The following YEATS4 variants were observed in gnomAD, a reference collection of about 807,000 sequenced individuals.
YEATS4 encodes the protein YEATS domain-containing protein 4.
Under a neutral mutation model 30.1 loss-of-function variants are expected in YEATS4, and 17 were observed. The ratio of observed to expected loss-of-function variants is 0.56; its 90% CI spans 0.39 to 0.85. YEATS4 has a LOEUF of 0.85. YEATS4 is among the 40% of genes least tolerant of loss of function. The probability of loss-of-function intolerance (pLI) is 0.00; values close to 1 mark genes in which losing one functional copy is unlikely to be tolerated. For synonymous variants in YEATS4, 85 were observed against 87.5 expected, an observed-to-expected ratio of 0.97 and a Z score of 0.16; for missense variants, 142 against 268.3, an observed-to-expected ratio of 0.53 and a Z score of 3.29.
chr12:69,366,042 C>T (rs373838250), intron 4 of YEATS4, among the ~76,000 whole-genome samples, 158 bp downstream of exon 4: 13 of 150,660 alleles, frequency 8.6e-5, no homozygotes, highest in African/African-American at 2.9e-4. Flanking sequence ...TTAAATGTAG[C>T]GCCTTTCAAA....
chr12:69,402,850 G>C, the YEATS4 span, among the ~76,000 whole-genome samples: 1 of 150,770 alleles, frequency 6.6e-6, no homozygotes, highest in Non-Finnish European at 1.5e-5. Flanking sequence ...AGCCTCCTGA[G>C]TAGCTGGGAT....
downstream of YEATS4, among the ~76,000 whole-genome samples, chr12:69,395,801 T>G (rs1319370003): frequency 6.6e-6 from 1 of 152,208 alleles, no homozygotes; most frequent in Non-Finnish European, 1.5e-5. Context: ...GGAACTTTAC[T>G]GAAGGGACTT....
chr12:69,414,670 A>G, the YEATS4 span, among the ~76,000 whole-genome samples: 9 of 152,214 alleles, frequency 5.9e-5, no homozygotes, highest in Admixed American at 5.9e-4. Context: ...AATAAGATGA[A>G]CTTTCTTGGC....
chr12:69,381,868 A>G (rs1261982414), intron 6 of YEATS4, among the ~76,000 whole-genome samples: 1 of 152,174 alleles, frequency 6.6e-6, no homozygotes, highest in Middle Eastern at 3.2e-3. Context: ...GGTCCGGCAC[A>G]CTAAAAACAA....
chr12:69,364,285 C>A, intron 2 of YEATS4: 2 of 329,462 alleles, frequency 6.1e-6, no homozygotes, highest in Admixed American at 4.0e-5. Context: ...GACTCCATCT[C>A]TACAGAAAAA....
chr12:69,374,582 G>C (rs1266416140), intron 6 of YEATS4, among the ~76,000 whole-genome samples: 3 of 151,884 alleles, frequency 2.0e-5, no homozygotes, highest in Non-Finnish European at 4.4e-5. Flanking sequence ...TGTGTCCCTG[G>C]GTACTTGAGA....
At chr12:69,419,216 T>G in the YEATS4 span, among the ~76,000 whole-genome samples, 312 of 122,776 alleles carry the variant, frequency 2.5e-3, 5 homozygotes, top group African/African-American at 9.6e-3. Context: ...CCTATTTTAC[T>G]TTTTTTTTTT....
chr12:69,409,913 C>T, the YEATS4 span, among the ~76,000 whole-genome samples: 1 of 152,128 alleles, frequency 6.6e-6, no homozygotes, highest in Non-Finnish European at 1.5e-5. Context: ...GATGTGAAGA[C>T]AAAGGGAGAA....
intron 6 of YEATS4, among the ~76,000 whole-genome samples, chr12:69,379,357 C>G (rs1367801384): frequency 6.6e-6 from 1 of 151,434 alleles, no homozygotes; most frequent in East Asian, 1.9e-4. Context: ...CTTTCTACTC[C>G]TCTCTCTCTC....
chr12:69,380,725 G>A (rs1876041893), intron 6 of YEATS4, among the ~76,000 whole-genome samples: 1 of 152,148 alleles, frequency 6.6e-6, no homozygotes, highest in South Asian at 2.1e-4. Context: ...ATTTCACGTA[G>A]GTTCTTTCCT....
chr12:69,382,860 A>G (rs1473756680), intron 6 of YEATS4, among the ~76,000 whole-genome samples: 1 of 152,174 alleles, frequency 6.6e-6, no homozygotes, highest in Non-Finnish European at 1.5e-5. Context: ...GGAGAAAGAA[A>G]AGCAAAGGAT....
At chr12:69,424,762 A>G in the YEATS4 span, among the ~76,000 whole-genome samples, 2 of 152,060 alleles carry the variant, frequency 1.3e-5, no homozygotes, top group East Asian at 3.9e-4. Context: ...ACCTTCTGCC[A>G]TGATTGTCAG....
the YEATS4 span, among the ~76,000 whole-genome samples, chr12:69,418,834 A>G: frequency 6.6e-6 from 1 of 151,928 alleles, no homozygotes; most frequent in African/African-American, 2.4e-5. Context: ...ATGTAGTCCT[A>G]ATTTCTTGGG....
intron 6 of YEATS4, among the ~76,000 whole-genome samples, chr12:69,372,061 C>G (rs895576644): frequency 6.6e-6 from 1 of 152,104 alleles, no homozygotes; most frequent in Admixed American, 6.5e-5. Context: ...GAGATGAGAT[C>G]AGAGAAGTTA....
chr12:69,370,655 TATG>T, intron 4 of YEATS4, 48 bp from the exon 5 acceptor site: 2 of 1,421,464 alleles, frequency 1.4e-6, no homozygotes, highest in African/African-American at 1.4e-5. Flanking sequence ...GCCAGTATCT[TATG>T]ATGATAAAAA....
intron 1 of YEATS4, 139 bp downstream of exon 1, chr12:69,360,162 A>G: frequency 1.0e-6 from 1 of 974,688 alleles, no homozygotes; most frequent in Admixed American, 3.4e-5. Flanking sequence ...TTGGAGAGCG[A>G]GTCAGAGCCA....
the YEATS4 span, among the ~76,000 whole-genome samples, chr12:69,404,139 T>C: frequency 6.6e-6 from 1 of 152,202 alleles, no homozygotes; most frequent in Non-Finnish European, 1.5e-5. Flanking sequence ...CAAATTCCCA[T>C]GCTGAGCTCT....
the YEATS4 span, among the ~76,000 whole-genome samples, chr12:69,410,628 A>G: frequency 6.6e-6 from 1 of 152,236 alleles, no homozygotes; most frequent in Non-Finnish European, 1.5e-5. Flanking sequence ...AAAAAGATTG[A>G]CAAAAGAAAC....
the YEATS4 span, among the ~76,000 whole-genome samples, chr12:69,415,841 G>A: frequency 2.8e-4 from 43 of 152,160 alleles, no homozygotes; most frequent in African/African-American, 8.2e-4. Context: ...AGTTGTGGCC[G>A]ACTAGCGAGG....
Sources: gnomAD v4.1 joint callset for allele counts (sites outside exome capture counted in the v4.1 genomes callset) on GRCh38, gnomAD v4.1.1 for gene constraint, MANE v1.5 for transcripts, NCBI Gene and HGNC (gene_info 2026-07-23, HGNC 2026-07-21) for gene names.